The following SGCZ variants were observed in gnomAD, a reference collection of about 807,000 sequenced individuals.
The protein encoded by SGCZ is sarcoglycan zeta.
A neutral mutation model predicts 41.3 loss-of-function variants in SGCZ; 40 were observed. That is an observed-to-expected ratio of 0.97 (90% CI 0.75 to 1.26). SGCZ has a LOEUF of 1.26. SGCZ is among the 50% of genes most tolerant of loss of function. The pLI, the probability that SGCZ is intolerant of heterozygous loss-of-function variation, is 0.00. For synonymous variants in SGCZ, 206 were observed against 137.5 expected (o/e 1.50, Z -3.49); for missense variants, 552 against 369.8 (o/e 1.49, Z -4.04).
intron 1 of SGCZ, among the ~76,000 whole-genome samples, chr8:14,964,806 G>A (rs927634742): frequency 6.6e-6 from 1 of 152,134 alleles, no homozygotes; most frequent in Admixed American, 6.6e-5. Flanking sequence ...TGAGGAATCT[G>A]GGGGTGTACC....
At chr8:14,139,421 A>C (rs184768064) in intron 5 of SGCZ, among the ~76,000 whole-genome samples, 2 of 152,304 alleles carry the variant, frequency 1.3e-5, no homozygotes, top group African/African-American at 4.8e-5. Flanking sequence ...TTTTGAAATG[A>C]TTAACAAAAT....
intron 5 of SGCZ, among the ~76,000 whole-genome samples, chr8:14,163,699 C>T (rs1804118899): frequency 6.6e-6 from 1 of 152,108 alleles, no homozygotes; most frequent in Non-Finnish European, 1.5e-5. Flanking sequence ...CAGGATTCAA[C>T]CCAAACAACC....
chr8:14,453,738 A>G (rs1326724513), intron 2 of SGCZ, among the ~76,000 whole-genome samples: 1 of 152,226 alleles, frequency 6.6e-6, no homozygotes, highest in African/African-American at 2.4e-5. Flanking sequence ...CTCATCTTTA[A>G]CAATGTTCAG....
chr8:15,032,381 A>G (rs1290741625), intron 1 of SGCZ, among the ~76,000 whole-genome samples: 1 of 152,192 alleles, frequency 6.6e-6, no homozygotes, highest in Non-Finnish European at 1.5e-5. Context: ...CCTACATACC[A>G]TGGTGTTATA....
intron 1 of SGCZ, among the ~76,000 whole-genome samples, chr8:14,599,476 G>A (rs1416492647): frequency 6.6e-6 from 1 of 152,126 alleles, no homozygotes; most frequent in East Asian, 1.9e-4. Flanking sequence ...AAGTGTAAAT[G>A]TCACTGTGGC....
chr8:14,436,529 A>G (rs1455570612), intron 2 of SGCZ, among the ~76,000 whole-genome samples: 4 of 152,096 alleles, frequency 2.6e-5, no homozygotes, highest in African/African-American at 9.7e-5. Context: ...GTAAGACCAT[A>G]TTTATCTTTT....
At chr8:14,801,033 T>A (rs369932582) in intron 1 of SGCZ, among the ~76,000 whole-genome samples, 2 of 152,334 alleles carry the variant, frequency 1.3e-5, no homozygotes, top group African/African-American at 4.8e-5. Context: ...ATAATTTCAA[T>A]TATGAGTGTT....
At chr8:15,229,909 A>T (rs1361826037) in intron 1 of SGCZ, among the ~76,000 whole-genome samples, 1 of 152,234 alleles carries the variant, frequency 6.6e-6, no homozygotes, top group African/African-American at 2.4e-5. Flanking sequence ...TGTGAGTTTA[A>T]AAACATGTGT....
At chr8:14,180,115 C>G (rs1291891602) in intron 4 of SGCZ, among the ~76,000 whole-genome samples, 2 of 152,144 alleles carry the variant, frequency 1.3e-5, no homozygotes, top group Admixed American at 6.6e-5. Flanking sequence ...ACCATACAGT[C>G]TTAGAGCAAC....
At chr8:14,700,914 A>T (rs538132077) in intron 1 of SGCZ, among the ~76,000 whole-genome samples, 1 of 152,042 alleles carries the variant, frequency 6.6e-6, no homozygotes, top group East Asian at 1.9e-4. Flanking sequence ...GAAGCAGGAA[A>T]GGGGGAAGGT....
At chr8:14,538,596 G>A (rs1340884629) in intron 2 of SGCZ, among the ~76,000 whole-genome samples, 1 of 151,940 alleles carries the variant, frequency 6.6e-6, no homozygotes, top group Admixed American at 6.6e-5. Flanking sequence ...CAGAGCAAAT[G>A]TTAGAAGAAT....
intron 4 of SGCZ, among the ~76,000 whole-genome samples, chr8:14,200,900 A>G (rs1044515057): frequency 6.6e-6 from 1 of 152,186 alleles, no homozygotes; most frequent in Non-Finnish European, 1.5e-5. Flanking sequence ...CATATCTGAT[A>G]AACTTGGCCT....
At chr8:14,746,404 T>C (rs1407205334) in intron 1 of SGCZ, among the ~76,000 whole-genome samples, 1 of 152,184 alleles carries the variant, frequency 6.6e-6, no homozygotes, top group Non-Finnish European at 1.5e-5. Flanking sequence ...AGTCCACTAT[T>C]GCATTTAGTA....
intron 1 of SGCZ, among the ~76,000 whole-genome samples, chr8:15,016,043 T>C (rs1227460734): frequency 6.6e-6 from 1 of 152,194 alleles, no homozygotes; most frequent in East Asian, 1.9e-4. Flanking sequence ...TTGCTAAAAC[T>C]AATTTAACTC....
intron 1 of SGCZ, among the ~76,000 whole-genome samples, chr8:15,074,455 C>G (rs1365791869): frequency 6.6e-6 from 1 of 152,080 alleles, no homozygotes; most frequent in Non-Finnish European, 1.5e-5. Flanking sequence ...TTGCCTCCAC[C>G]CCATTAGTTT....
intron 1 of SGCZ, among the ~76,000 whole-genome samples, chr8:14,662,006 A>G (rs1455167137): frequency 6.6e-6 from 1 of 152,190 alleles, no homozygotes; most frequent in Non-Finnish European, 1.5e-5. Context: ...ATATTATTAT[A>G]CCAAAAGATT....
At chr8:14,420,058 A>C (rs1439235120) in intron 2 of SGCZ, among the ~76,000 whole-genome samples, 5 of 152,006 alleles carry the variant, frequency 3.3e-5, no homozygotes, top group African/African-American at 1.2e-4. Flanking sequence ...CACTGTACAG[A>C]CTATATTAAT....
At chr8:14,378,012 C>G (rs1804200704) in intron 2 of SGCZ, among the ~76,000 whole-genome samples, 1 of 149,352 alleles carries the variant, frequency 6.7e-6, no homozygotes, top group Admixed American at 6.7e-5. Context: ...GTCTTTATAG[C>G]AGCATGATTT....
At chr8:14,825,437 T>C (rs566956339) in intron 1 of SGCZ, among the ~76,000 whole-genome samples, 3 of 152,212 alleles carry the variant, frequency 2.0e-5, no homozygotes, top group Non-Finnish European at 4.4e-5. Flanking sequence ...TCATCATTTT[T>C]AGACAATTAA....
Sources: gnomAD v4.1 joint callset for allele counts (sites outside exome capture counted in the v4.1 genomes callset) on GRCh38, gnomAD v4.1.1 for gene constraint, MANE v1.5 for transcripts, NCBI Gene and HGNC (gene_info 2026-07-23, HGNC 2026-07-21) for gene names.